The following NPBWR2 variants were observed in gnomAD, a reference collection of about 807,000 sequenced individuals.
The protein encoded by NPBWR2 is neuropeptides B and W receptor 2.
For missense variants in NPBWR2, 390 were observed against 458.2 expected, an observed-to-expected ratio of 0.85 and a Z score of 1.36; for synonymous variants, 207 against 223.5, an observed-to-expected ratio of 0.93 and a Z score of 0.66.
At position 64,104,732 on chromosome 20, in the gene NPBWR2, G is replaced by A. The variant is rs1979897660; in HGVS notation, c.*1098C>T. On this transcript the variant is annotated 3_prime_UTR_variant, in exon 2 of 2. Transcript: ENST00000684052. Reference sequence around the variant, plus strand: ...CGTCGGCCACAGCAGGGGAGTATAGGGGAGCACAGGCCATGGTGAGGACTG... The same window carrying A: ...CGTCGGCCACAGCAGGGGAGTATAGAGGAGCACAGGCCATGGTGAGGACTG... Among the ~76,000 whole-genome samples the A allele has an allele frequency of 7.2e-6, 1 of 139,052 alleles. No individual in the cohort carries two copies. The highest frequency in any genetic ancestry group is 7.0e-5 in the Admixed American group (1 of 14,298). The allele number at this position is 139,052 out of a possible 152,430, so 91.2% of individuals were successfully genotyped here.
At position 64,105,774 on chromosome 20, in the gene NPBWR2, A is replaced by C; in HGVS notation, c.*56T>G. ...TGTGGGCATGATGATGATGGGCGTG[A>C]TGATGATGGGGGGTGATGATGGGCA... On this transcript the variant is annotated 3_prime_UTR_variant, in exon 2 of 2. Transcript: ENST00000684052. 1 of 1,054,166 alleles carries C rather than the reference A, an allele frequency of 9.5e-7. No homozygotes were observed. Among genetic ancestry groups the C allele is most frequent in the Non-Finnish European group, 1.3e-6 (1 of 791,460 alleles). The allele number at this position is 1,054,166 out of a possible 1,614,324, so 65.3% of individuals were successfully genotyped here.
chr20:64,107,537 G>C lies in NPBWR2; in HGVS notation c.-265C>G, dbSNP rs944196608. 6.6e-6 allele frequency among the ~76,000 whole-genome samples: 1 copy of C among 152,222 alleles called. No individual in the cohort carries two copies. The highest frequency in any genetic ancestry group is 1.5e-5 in the Non-Finnish European group (1 of 68,028). ...TGGCTGCCTCAGCCCCGGCTGCGAG[G>C]TTCCCAGCCTGGTGTCAGTGCTGAT... On this transcript the variant is annotated 5_prime_UTR_variant, in exon 1 of 2. Transcript: ENST00000684052. This position sits in a 1 kb window ranked among gnomAD's most constrained non-coding sequence, Gnocchi z 6.3.
In NPBWR2 at chr20:64,105,498, C is replaced by T. The variant is rs1393092880; in HGVS notation, c.*332G>A. Among the ~76,000 whole-genome samples the T allele has an allele frequency of 3.2e-5, 2 of 63,278 alleles. No individual in the cohort carries two copies. The highest frequency in any genetic ancestry group is 3.0e-5 in the Non-Finnish European group (1 of 33,666). 41.5% of individuals were successfully genotyped at this position (63,278 alleles called of 152,430 possible). On this transcript the variant is annotated 3_prime_UTR_variant, in exon 2 of 2. Transcript: ENST00000684052. ...CCGGGCGTCCCCTGAAAGAGACAGC[C>T]GGAACTGGGTGGGGGTGGGCGTGAT...
rs757660136 is a variant in NPBWR2 at position 64,105,819 on chromosome 20, G to A, written c.*11C>T. On this transcript the variant is annotated 3_prime_UTR_variant, in exon 2 of 2. Transcript: ENST00000684052. Reference sequence around the variant, plus strand: ...TGGGCATGATGATGGGGGTGATGGTGCCCAGGCCCTTCAGCACCGCAATAT... The same window carrying A: ...TGGGCATGATGATGGGGGTGATGGTACCCAGGCCCTTCAGCACCGCAATAT... 5 of 1,570,416 alleles carry A rather than the reference G, an allele frequency of 3.2e-6. No homozygotes were observed. The highest frequency in any genetic ancestry group is 1.7e-5 in the Admixed American group (1 of 57,938).
At position 64,105,102 on chromosome 20, in the gene NPBWR2, G is replaced by A. The variant is rs2145640486; in HGVS notation, c.*728C>T. ...TCCGCCTTTGCAGCAACACAGCATC[G>A]CTGCTGCCTGAGGTGCCCGCACTTA... is the stretch of plus-strand genomic sequence containing the variant. On this transcript the variant is annotated 3_prime_UTR_variant, in exon 2 of 2. Coordinates refer to ENST00000684052, the MANE Select transcript of NPBWR2 (RefSeq NM_005286.4). Among the ~76,000 whole-genome samples the A allele has an allele frequency of 6.6e-6, 1 of 152,230 alleles. No individual in the cohort carries two copies. The highest frequency in any genetic ancestry group is 2.4e-5 in the African/African-American group (1 of 41,532).
Position 64,105,712 on chromosome 20 carries a change from T to TGGGGGG in NPBWR2, c.*117_*118insCCCCCC. 2.3e-5 allele frequency: 8 copies of TGGGGGG among 353,362 alleles called. No individual in the cohort carries two copies. Among genetic ancestry groups the TGGGGGG allele is most frequent in the Non-Finnish European group, 9.1e-6 (2 of 219,666 alleles). 21.9% of individuals were successfully genotyped at this position (353,362 alleles called of 1,614,324 possible). On this transcript the variant is annotated 3_prime_UTR_variant, in exon 2 of 2. Coordinates refer to ENST00000684052, the MANE Select transcript of NPBWR2 (RefSeq NM_005286.4). ...GTGGTGGTGGGGGTGATGGTGGGGG[T>TGGGGGG]GGTGGTGGGGGTGGGGGGGGGTGGG...
rs1979925185 is a variant in NPBWR2, at chr20:64,105,258, C to T, written c.*572G>A. ...TCCCAGAGCCTTCCAAGGGGCTTGT[C>T]CATCTGTCTGTCTCTCGTGGGTAAG... On this transcript the variant is annotated 3_prime_UTR_variant, in exon 2 of 2. Transcript: ENST00000684052. Among the ~76,000 whole-genome samples, 1 of 151,606 alleles carries T rather than the reference C, an allele frequency of 6.6e-6. No individual in the cohort carries two copies. Among genetic ancestry groups the T allele is most frequent in the Admixed American group, 6.6e-5 (1 of 15,232 alleles).
Position 64,106,274 on chromosome 20 carries a change from G to C in NPBWR2, c.558C>G (p.Gly186=). Reference sequence around the variant, plus strand: ...GGACCTGCAGCTCGTTGCTGTAGACGCCAGCGAAAGAGAAGAAGGGCAGAA... The same window carrying C: ...GGACCTGCAGCTCGTTGCTGTAGACCCCAGCGAAAGAGAAGAAGGGCAGAA... ...VLVLPFFSFA[G]VYSNELQVPS... is the part of the protein sequence containing the mutation. Residue 186 remains glycine, a synonymous_variant, in exon 2 of 2, where the codon GGC becomes GGG. Coordinates refer to ENST00000684052, the MANE Select transcript of NPBWR2 (RefSeq NM_005286.4). The surrounding 1 kb of genome is among the most constrained non-coding windows in gnomAD (Gnocchi z 9.5). The C allele has an allele frequency of 6.2e-7, 1 of 1,612,798 alleles. No homozygotes were observed. Among genetic ancestry groups the C allele is most frequent in the South Asian group, 1.1e-5 (1 of 91,088 alleles).
Position 64,105,705 on chromosome 20 carries a change from G to GGGGTGGGCGTGATGGTGGATGTGA in NPBWR2, c.*124_*125insTCACATCCACCATCACGCCCACCC. The stretch of plus-strand genomic sequence containing the variant: ...GATGGGGGTGGTGGTGGGGGTGATG[G>GGGGTGGGCGTGATGGTGGATGTGA]TGGGGGTGGTGGTGGGGGTGGGGGG... On this transcript the variant is annotated 3_prime_UTR_variant, in exon 2 of 2. Coordinates refer to ENST00000684052, the MANE Select transcript of NPBWR2 (RefSeq NM_005286.4). The GGGGTGGGCGTGATGGTGGATGTGA allele has an allele frequency of 1.8e-5, 7 of 385,464 alleles. 2 individuals carry two copies. The highest frequency in any genetic ancestry group is 1.3e-5 in the Non-Finnish European group (3 of 235,148). 23.9% of individuals were successfully genotyped at this position (385,464 alleles called of 1,614,324 possible).
In NPBWR2 at chr20:64,106,845, G is replaced by T. The variant is rs199882302; in HGVS notation, c.-14C>A. On this transcript the variant is annotated 5_prime_UTR_variant, in exon 2 of 2. Coordinates refer to ENST00000684052, the MANE Select transcript of NPBWR2 (RefSeq NM_005286.4). This position sits in a 1 kb window ranked among gnomAD's most constrained non-coding sequence, Gnocchi z 9.5. ...AGCGGCCTGCATTGTAGCTGGGACC[G>T]TTGACGATTTGCGCCCTGGGCAGGT... 6.3e-7 allele frequency: 1 copy of T among 1,599,814 alleles called. No homozygotes were observed. The highest frequency in any genetic ancestry group is 1.3e-5 in the African/African-American group (1 of 74,582).
Position 64,105,687 on chromosome 20 carries a change from G to GGCATGATGA in NPBWR2, c.*142_*143insTCATCATGC. On this transcript the variant is annotated 3_prime_UTR_variant, in exon 2 of 2. Coordinates refer to ENST00000684052, the MANE Select transcript of NPBWR2 (RefSeq NM_005286.4). ...CATGATGATGGGCGTGATGATGGGG[G>GGCATGATGA]TGGTGGTGGGGGTGATGGTGGGGGT... The GGCATGATGA allele has an allele frequency of 5.5e-6, 2 of 364,100 alleles. No individual in the cohort carries two copies. Among genetic ancestry groups the GGCATGATGA allele is most frequent in the Non-Finnish European group, 9.5e-6 (2 of 210,242 alleles). The allele number at this position is 364,100 out of a possible 1,614,324, so 22.6% of individuals were successfully genotyped here.
In NPBWR2 at chr20:64,105,354, C is replaced by T. The variant is rs535275576; in HGVS notation, c.*476G>A. Among the ~76,000 whole-genome samples the T allele has an allele frequency of 4.0e-5, 6 of 150,302 alleles. No individual in the cohort carries two copies. Among genetic ancestry groups the T allele is most frequent in the Non-Finnish European group, 8.9e-5 (6 of 67,678 alleles). On this transcript the variant is annotated 3_prime_UTR_variant, in exon 2 of 2. Transcript: ENST00000684052. Reference sequence around the variant, plus strand: ...ATCCCTGCTGCTGTCCACCCAGGGGCTGTCCAGGAAGCAGAGACATGGGAG... The same window carrying T: ...ATCCCTGCTGCTGTCCACCCAGGGGTTGTCCAGGAAGCAGAGACATGGGAG...
At position 64,105,727 on chromosome 20, in the gene NPBWR2, G is replaced by GCCT. The variant is rs1979987905; in HGVS notation, c.*102_*103insAGG. On this transcript the variant is annotated 3_prime_UTR_variant, in exon 2 of 2. Transcript: ENST00000684052. ...ATGGTGGGGGTGGTGGTGGGGGTGG[G>GCCT]GGGGGGTGGGCCTGATGGGGGTGTG... The GCCT allele has an allele frequency of 2.0e-5, 10 of 508,082 alleles. No homozygotes were observed. The Admixed American group carries it at 4.7e-4, about 24-fold the overall frequency. The allele number at this position is 508,082 out of a possible 1,614,324, so 31.5% of individuals were successfully genotyped here. A position where few individuals can be genotyped will look rare whatever the true frequency, so the allele number is the denominator to read the frequency against.
In NPBWR2 at chr20:64,105,862, G is replaced by A. The variant is rs199972319; in HGVS notation, c.970C>T (p.Arg324Trp). 7.0e-5 allele frequency: 106 copies of A among 1,514,622 alleles called. No individual in the cohort carries two copies. The highest frequency in any genetic ancestry group is 4.4e-4 in the East Asian group (18 of 41,340). The allele number at this position is 1,514,622 out of a possible 1,614,324, so 93.8% of individuals were successfully genotyped here. The part of the protein sequence containing the change: ...FLYAFLDDNF[R>W]KNFRSILRC ...CGCAATATGCTGCGGAAGTTCTTCCGGAAGTTGTCATCTAGAAAGGCGTAG... is the reference window on the plus strand; with the variant it reads ...CGCAATATGCTGCGGAAGTTCTTCCAGAAGTTGTCATCTAGAAAGGCGTAG... Residue 324 changes from arginine (R) to tryptophan (W), a missense_variant, in exon 2 of 2, where the codon CGG becomes TGG. Physicochemically the swap from Arg to Trp is moderately radical, Grantham distance 101. Coordinates refer to ENST00000684052, the MANE Select transcript of NPBWR2 (RefSeq NM_005286.4).
Position 64,106,416 on chromosome 20 carries a change from C to G in NPBWR2, c.416G>C (p.Ser139Thr), listed in dbSNP as rs1250422390. 3 of 1,612,692 alleles carry G rather than the reference C, an allele frequency of 1.9e-6. No individual in the cohort carries two copies. Among genetic ancestry groups the G allele is most frequent in the Non-Finnish European group, 2.5e-6 (3 of 1,180,028 alleles). ...FSSIYFLAVMSVDRYLVVLAT... is the reference protein window; with the variant it reads ...FSSIYFLAVMTVDRYLVVLAT... The stretch of plus-strand genomic sequence containing the variant: ...CAGCACCACCAGGTATCGGTCCACG[C>G]TCATCACGGCTAGGAAGTAGATGCT... The change falls in exon 2 of 2, where the codon AGC (serine) becomes ACC (threonine). Residue 139 changes from serine to threonine, a missense_variant. Coordinates refer to ENST00000684052, the MANE Select transcript of NPBWR2 (RefSeq NM_005286.4). This position sits in a 1 kb window ranked among gnomAD's most constrained non-coding sequence, Gnocchi z 9.5.
rs148604108 is a variant in NPBWR2 at position 64,106,595 on chromosome 20, C to G, written c.237G>C (p.Val79=). ...CCAGGTTCAGGATGAACACGTTGGT[C>G]ACCGTCTTCATCTTGGGCGCCCTTA... The part of the protein sequence containing the change: ...VILRAPKMKT[V]TNVFILNLAV... Residue 79 remains valine (V), a synonymous_variant, in exon 2 of 2, where the codon GTG becomes GTC. Transcript: ENST00000684052. The surrounding 1 kb of genome is among the most constrained non-coding windows in gnomAD (Gnocchi z 9.5). The G allele has an allele frequency of 3.2e-5, 51 of 1,611,772 alleles. No individual in the cohort carries two copies. In the East Asian group the frequency reaches 4.0e-4, roughly 13 times the overall value.
chr20:64,104,491 G>A lies in NPBWR2; in HGVS notation c.*1339C>T, dbSNP rs890649939. ...GAGGACCGTCGGCCACAGCAGGGGG[G>A]TACAGGGGAGCACAGGCCATGGAGA... On this transcript the variant is annotated 3_prime_UTR_variant, in exon 2 of 2. Coordinates refer to ENST00000684052, the MANE Select transcript of NPBWR2 (RefSeq NM_005286.4). 1.3e-5 allele frequency among the ~76,000 whole-genome samples: 2 copies of A among 150,650 alleles called. No homozygotes were observed. Among genetic ancestry groups the A allele is most frequent in the Non-Finnish European group, 3.0e-5 (2 of 67,474 alleles).
chr20:64,104,343 C>T lies in NPBWR2; in HGVS notation c.*1487G>A, dbSNP rs1424765643. 6.6e-6 allele frequency among the ~76,000 whole-genome samples: 1 copy of T among 152,220 alleles called. No homozygotes were observed. The highest frequency in any genetic ancestry group is 1.5e-5 in the Non-Finnish European group (1 of 68,016). Reference sequence around the variant, plus strand: ...CGGGAGAGAGAGTTCCAGGTGCCAGCCTGTCCAAGTGATGGATGGTCCCTA... The same window carrying T: ...CGGGAGAGAGAGTTCCAGGTGCCAGTCTGTCCAAGTGATGGATGGTCCCTA... On this transcript the variant is annotated 3_prime_UTR_variant, in exon 2 of 2. Coordinates refer to ENST00000684052, the MANE Select transcript of NPBWR2 (RefSeq NM_005286.4).
In NPBWR2 at chr20:64,104,471, C is replaced by T. The variant is rs1979878840; in HGVS notation, c.*1359G>A. Among the ~76,000 whole-genome samples, 1 of 151,362 alleles carries T rather than the reference C, an allele frequency of 6.6e-6. No individual in the cohort carries two copies. Among genetic ancestry groups the T allele is most frequent in the African/African-American group, 2.4e-5 (1 of 41,236 alleles). On this transcript the variant is annotated 3_prime_UTR_variant, in exon 2 of 2. Coordinates refer to ENST00000684052, the MANE Select transcript of NPBWR2 (RefSeq NM_005286.4). ...AGGGGTGTACAGGCCATGGCGAGGA[C>T]CGTCGGCCACAGCAGGGGGGTACAG... is the stretch of plus-strand genomic sequence containing the variant.
Sources: allele counts gnomAD v4.1 joint callset (sites outside exome capture counted in the v4.1 genomes callset), GRCh38; gene constraint gnomAD v4.1.1; non-coding constraint Gnocchi (gnomAD v3.1); transcripts MANE v1.5; gene names NCBI Gene and HGNC (gene_info 2026-07-23, HGNC 2026-07-21).